The following OPCML variants were observed in gnomAD, a reference collection of about 807,000 sequenced individuals.
OPCML encodes opioid binding protein/cell adhesion molecule like.
A neutral mutation model predicts 37.8 loss-of-function variants in OPCML; 13 were observed. The ratio of observed to expected loss-of-function variants is 0.34; its 90% CI spans 0.22 to 0.55. The LOEUF (loss-of-function observed/expected upper bound fraction) is 0.55. Ranked by LOEUF, OPCML falls within the 20% of genes least tolerant of loss-of-function variation. The pLI is 0.91. For missense variants in OPCML, 341 were observed against 435.6 expected (o/e 0.78, Z 1.93); for synonymous variants, 176 against 168.8 (o/e 1.04, Z -0.33).
intron 3 of OPCML, among the ~76,000 whole-genome samples, chr11:132,605,323 C>T (rs1176851421): frequency 6.6e-6 from 1 of 151,768 alleles, no homozygotes; most frequent in African/African-American, 2.4e-5. Flanking sequence ...TTTGGGACGC[C>T]GAGGTGGGTG....
chr11:132,948,093 C>T (rs1395797770), intron 1 of OPCML, among the ~76,000 whole-genome samples: 1 of 152,198 alleles, frequency 6.6e-6, no homozygotes, highest in Non-Finnish European at 1.5e-5. Context: ...GAATACCTAT[C>T]CCACCTATGT....
intron 1 of OPCML, among the ~76,000 whole-genome samples, chr11:133,182,531 T>A (rs1341298877): frequency 6.6e-6 from 1 of 152,188 alleles, no homozygotes; most frequent in Admixed American, 6.5e-5. Context: ...AGCAGCCGCC[T>A]GGATGCTCCA....
chr11:132,673,426 G>A (rs1942564433), intron 2 of OPCML, among the ~76,000 whole-genome samples: 1 of 152,224 alleles, frequency 6.6e-6, no homozygotes, highest in South Asian at 2.1e-4. Context: ...ACGCAAGGGA[G>A]AAACCAAGTG....
At chr11:133,224,037 G>A (rs1326854287) in intron 1 of OPCML, among the ~76,000 whole-genome samples, 1 of 152,182 alleles carries the variant, frequency 6.6e-6, no homozygotes, top group Non-Finnish European at 1.5e-5. Context: ...TAGAGAGGAA[G>A]GGGAGGGTGA....
chr11:132,866,835 A>C (rs1185609038), intron 2 of OPCML, among the ~76,000 whole-genome samples: 1 of 152,240 alleles, frequency 6.6e-6, no homozygotes, highest in Non-Finnish European at 1.5e-5. Flanking sequence ...TCTTCAGGTC[A>C]CACAGCTCTG....
At chr11:133,418,280 G>A (rs1945810777) in intron 1 of OPCML, 2 of 985,314 alleles carry the variant, frequency 2.0e-6, no homozygotes, top group Non-Finnish European at 2.4e-6. Context: ...AGAGTGACAT[G>A]GGAGGTTTAT....
At chr11:132,771,269 T>C (rs907574052) in intron 2 of OPCML, among the ~76,000 whole-genome samples, 4 of 152,328 alleles carry the variant, frequency 2.6e-5, no homozygotes, top group Non-Finnish European at 5.9e-5. Flanking sequence ...ATGCATTTTT[T>C]CCCATCTGCT....
At chr11:133,200,739 A>C (rs1383380873) in intron 1 of OPCML, among the ~76,000 whole-genome samples, 2 of 152,248 alleles carry the variant, frequency 1.3e-5, no homozygotes, top group Non-Finnish European at 2.9e-5. Flanking sequence ...TAGAAGAATT[A>C]AAAATAAAAC....
chr11:133,164,860 A>T (rs1304790848), intron 1 of OPCML, among the ~76,000 whole-genome samples: 1 of 152,090 alleles, frequency 6.6e-6, no homozygotes, highest in Non-Finnish European at 1.5e-5. Context: ...TCCAAACCAA[A>T]CTGCATCCTC....
chr11:133,356,224 A>C (rs988633208), intron 1 of OPCML, among the ~76,000 whole-genome samples: 2 of 152,192 alleles, frequency 1.3e-5, no homozygotes, highest in Non-Finnish European at 2.9e-5. Context: ...AAAAAATATA[A>C]TCAGAGGGCT....
intron 1 of OPCML, among the ~76,000 whole-genome samples, chr11:133,253,645 C>T (rs1941215777): frequency 1.3e-5 from 2 of 152,118 alleles, no homozygotes; most frequent in South Asian, 4.1e-4. Context: ...ACAAATAAAC[C>T]TTATAAGCAG....
chr11:133,026,279 G>A (rs1159477460), intron 1 of OPCML: 4 of 777,472 alleles, frequency 5.1e-6, no homozygotes, highest in Non-Finnish European at 6.2e-6. Flanking sequence ...TGTAAAAAAT[G>A]GTCAAAATGG....
At chr11:132,605,919 C>T (rs1938262395) in intron 3 of OPCML, among the ~76,000 whole-genome samples, 1 of 152,214 alleles carries the variant, frequency 6.6e-6, no homozygotes, top group African/African-American at 2.4e-5. Flanking sequence ...CAGTGACCAG[C>T]AGCTTCCTTT....
In OPCML at chr11:132,657,214, C is replaced by T. The variant is rs1200002620; in HGVS notation, c.252G>A (p.Leu84=). Residue 84 remains leucine, a synonymous_variant, in exon 3 of 8, where the codon CTG becomes CTA. Transcript: ENST00000524381. ...TGCTGTACTGGGTTGGTGTATTGACCAGGATGATCACACGAGGGTCTATGG... is the reference window on the plus strand; with the variant it reads ...TGCTGTACTGGGTTGGTGTATTGACTAGGATGATCACACGAGGGTCTATGG... ...KWSIDPRVII[L]VNTPTQYSIM... is the part of the protein sequence containing the mutation. 6.2e-7 allele frequency: 1 copy of T among 1,614,064 alleles called. No homozygotes were observed. The highest frequency in any genetic ancestry group is 8.5e-7 in the Non-Finnish European group (1 of 1,180,046).
intron 2 of OPCML, among the ~76,000 whole-genome samples, chr11:132,774,068 G>A (rs1260030966): frequency 1.3e-5 from 2 of 152,224 alleles, no homozygotes; most frequent in Non-Finnish European, 2.9e-5. Flanking sequence ...AACACAGCCT[G>A]TCTGGGAAGA....
Position 133,518,655 on chromosome 11 carries a change from C to CT in OPCML, c.61+13608_61+13609insA, listed in dbSNP as rs1565679748. Among the ~76,000 whole-genome samples, 46 of 142,234 alleles carry CT rather than the reference C, an allele frequency of 3.2e-4. 5 individuals are homozygous for CT. The highest frequency in any genetic ancestry group is 1.2e-3 in the African/African-American group (43 of 36,268). 93.3% of individuals were successfully genotyped at this position (142,234 alleles called of 152,430 possible). ...GGTGCTGGTGTGTGTGGGGCTGTGG[C>CT]GTGGGCAGTGGCAGGTGCTGGTGTG... On this transcript the variant is annotated intron_variant, in intron 1 of 7. Transcript: ENST00000524381.
chr11:132,592,400 GA>G (rs199595361), intron 3 of OPCML, among the ~76,000 whole-genome samples: 3 of 151,974 alleles, frequency 2.0e-5, no homozygotes, highest in East Asian at 1.9e-4. Context: ...CTGGTATCTG[GA>G]AAAAAAATGG....
chr11:132,565,866 C>T (rs1326988817), intron 3 of OPCML, among the ~76,000 whole-genome samples: 1 of 152,104 alleles, frequency 6.6e-6, no homozygotes, highest in African/African-American at 2.4e-5. Context: ...AACCCTGTCT[C>T]TACTAAAAAT....
At chr11:132,852,853 T>C (rs1439499377) in intron 2 of OPCML, among the ~76,000 whole-genome samples, 2 of 151,780 alleles carry the variant, frequency 1.3e-5, no homozygotes, top group Non-Finnish European at 2.9e-5. Context: ...TGTGTTTTTC[T>C]ATGGCAAATT....
Sources: allele counts gnomAD v4.1 joint callset (sites outside exome capture counted in the v4.1 genomes callset), GRCh38; gene constraint gnomAD v4.1.1; transcripts MANE v1.5; gene names NCBI Gene and HGNC (gene_info 2026-07-23, HGNC 2026-07-21).